Variants in PDGFC observed in about 807,000 individuals in gnomAD.
PDGFC encodes the protein platelet derived growth factor C.
In PDGFC, 12 loss-of-function variants were observed where a neutral mutation model predicts 35.5. That is an observed-to-expected ratio of 0.34 (90% confidence interval 0.22 to 0.55). The LOEUF (loss-of-function observed/expected upper bound fraction) is 0.55, where lower values mean the gene tolerates loss of function less well. PDGFC is among the 20% of genes least tolerant of loss of function. PDGFC has a pLI of 0.91. For synonymous variants in PDGFC, 159 were observed against 148.8 expected (o/e 1.07, Z -0.50); for missense variants, 322 against 412.4 (o/e 0.78, Z 1.90).
chr4:156,827,705 T>TA (rs1728813203), intron 2 of PDGFC, among the ~76,000 whole-genome samples: 1 of 152,202 alleles, frequency 6.6e-6, no homozygotes, highest in African/African-American at 2.4e-5. Context: ...ACTACATGCT[T>TA]ACGCAATACC....
chr4:156,904,747 T>C (rs1028118944), intron 1 of PDGFC, among the ~76,000 whole-genome samples: 1 of 152,066 alleles, frequency 6.6e-6, no homozygotes, highest in Non-Finnish European at 1.5e-5. Flanking sequence ...AACAGGTGCA[T>C]TTAGGTTCAC....
At chr4:156,899,831 A>T (rs2110758268) in intron 1 of PDGFC, among the ~76,000 whole-genome samples, 1 of 152,314 alleles carries the variant, frequency 6.6e-6, no homozygotes, top group Non-Finnish European at 1.5e-5. Flanking sequence ...TTAATTCATT[A>T]AAATTATTTT....
At chr4:156,831,693 C>A (rs1021690482) in intron 2 of PDGFC, among the ~76,000 whole-genome samples, 2 of 151,802 alleles carry the variant, frequency 1.3e-5, no homozygotes, top group African/African-American at 4.8e-5. Context: ...CCATCCACCT[C>A]GGCCTCCCAA....
At position 156,790,750 on chromosome 4, in the gene PDGFC, T is replaced by G. The variant is rs139535589; in HGVS notation, c.496-17857A>C. On this transcript the variant is annotated intron_variant, in intron 3 of 5. Coordinates refer to ENST00000502773, the MANE Select transcript of PDGFC (RefSeq NM_016205.3). ...TTTCATCCTAATTATTCACTAAACA[T>G]GTTTGTGCATGTGAAATATTCTGTA... 5.6e-3 allele frequency among the ~76,000 whole-genome samples: 857 copies of G among 152,314 alleles called. 9 individuals are homozygous for G. The highest frequency in any genetic ancestry group is 0.019 in the African/African-American group (794 of 41,572).
At chr4:156,937,775 T>C (rs1731718941) in intron 1 of PDGFC, among the ~76,000 whole-genome samples, 1 of 152,192 alleles carries the variant, frequency 6.6e-6, no homozygotes, top group South Asian at 2.1e-4. Flanking sequence ...CTGAAATCTC[T>C]AAACTATTTC....
intron 2 of PDGFC, among the ~76,000 whole-genome samples, chr4:156,849,522 A>G (rs976052056): frequency 2.0e-5 from 3 of 152,044 alleles, no homozygotes; most frequent in African/African-American, 7.2e-5. Flanking sequence ...CTTCAGTAAG[A>G]CCACCCAACC....
At chr4:156,817,682 C>A (rs1732127809) in intron 2 of PDGFC, among the ~76,000 whole-genome samples, 1 of 151,308 alleles carries the variant, frequency 6.6e-6, no homozygotes, top group Non-Finnish European at 1.5e-5. Context: ...TTCTATTTAA[C>A]TCTAAAAGAA....
chr4:156,895,175 C>T (rs1204594825), intron 1 of PDGFC, among the ~76,000 whole-genome samples: 3 of 152,110 alleles, frequency 2.0e-5, no homozygotes, highest in African/African-American at 7.2e-5. Context: ...GGGAGCTATA[C>T]TATTAATAAG....
At chr4:156,962,416 A>G (rs1438871713) in intron 1 of PDGFC, among the ~76,000 whole-genome samples, 1 of 152,066 alleles carries the variant, frequency 6.6e-6, no homozygotes, top group Non-Finnish European at 1.5e-5. Flanking sequence ...TTAGTAAATC[A>G]ATAGAGGATT....
chr4:156,812,752 C>T (rs1731972907), intron 2 of PDGFC, among the ~76,000 whole-genome samples: 1 of 152,050 alleles, frequency 6.6e-6, no homozygotes. Flanking sequence ...TGCTACCTAA[C>T]TCAGAGACAT....
chr4:156,851,355 G>A (rs748698318), intron 1 of PDGFC, among the ~76,000 whole-genome samples: 4 of 152,044 alleles, frequency 2.6e-5, no homozygotes, highest in Non-Finnish European at 4.4e-5. Flanking sequence ...AATCTCCAAG[G>A]GCAGAGTATA....
intron 5 of PDGFC, among the ~76,000 whole-genome samples, chr4:156,764,333 A>C (rs577881083): frequency 7.0e-4 from 107 of 152,308 alleles, no homozygotes; most frequent in Admixed American, 3.8e-3. Context: ...ACATTTTTTG[A>C]ATGCTTACTG....
chr4:156,794,899 T>C (rs919056402), intron 3 of PDGFC, among the ~76,000 whole-genome samples: 1 of 152,170 alleles, frequency 6.6e-6, no homozygotes, highest in Non-Finnish European at 1.5e-5. Flanking sequence ...TAATTTACGA[T>C]TTTCCAATGA....
chr4:156,919,913 T>C (rs1731233930), intron 1 of PDGFC, among the ~76,000 whole-genome samples: 1 of 152,134 alleles, frequency 6.6e-6, no homozygotes, highest in Admixed American at 6.6e-5. Flanking sequence ...TGGGAGGGGT[T>C]TGGATCATGA....
At chr4:156,887,998 G>A (rs1198836461) in intron 1 of PDGFC, among the ~76,000 whole-genome samples, 2 of 133,510 alleles carry the variant, frequency 1.5e-5, no homozygotes, top group African/African-American at 5.7e-5. Context: ...GTGAAACCCC[G>A]TCTTAAAAAA....
chr4:156,890,652 C>A (rs1182456279), intron 1 of PDGFC, among the ~76,000 whole-genome samples: 1 of 152,160 alleles, frequency 6.6e-6, no homozygotes, highest in African/African-American at 2.4e-5. Context: ...AAACTGAGAT[C>A]TCTTTAAAGC....
intron 2 of PDGFC, among the ~76,000 whole-genome samples, chr4:156,815,903 A>G (rs924185224): frequency 6.6e-6 from 1 of 152,138 alleles, no homozygotes; most frequent in African/African-American, 2.4e-5. Flanking sequence ...GTTTATAATG[A>G]TCACTCCCTT....
intron 1 of PDGFC, among the ~76,000 whole-genome samples, chr4:156,924,363 C>G (rs1285791746): frequency 6.6e-6 from 1 of 152,136 alleles, no homozygotes; most frequent in South Asian, 2.1e-4. Flanking sequence ...AGTTATTGGA[C>G]ATACTAAAGT....
chr4:156,921,996 A>C (rs2110844174), intron 1 of PDGFC, among the ~76,000 whole-genome samples: 1 of 152,318 alleles, frequency 6.6e-6, no homozygotes, highest in Middle Eastern at 3.4e-3. Flanking sequence ...TAAGGAGAAA[A>C]TTGTGATGAA....
Sources: gnomAD v4.1 joint callset for allele counts (sites outside exome capture counted in the v4.1 genomes callset) on GRCh38, gnomAD v4.1.1 for gene constraint, MANE v1.5 for transcripts, NCBI Gene and HGNC (gene_info 2026-07-23, HGNC 2026-07-21) for gene names.